GRID2: variants seen among roughly 807,000 people sequenced by gnomAD.
The protein encoded by GRID2 is glutamate ionotropic receptor delta type subunit 2.
GRID2 carries 33 observed loss-of-function variants against 114.8 expected under a neutral mutation model. The ratio of observed to expected loss-of-function variants is 0.29; its 90% confidence interval spans 0.22 to 0.38. GRID2 has a LOEUF of 0.38. Among genes scored for constraint, GRID2 ranks in the 10% least tolerant of loss-of-function variants. The pLI is 1.00. For missense variants in GRID2, 1,184 were observed against 1,257.7 expected (o/e 0.94, Z 0.89); for synonymous variants, 505 against 449.9 (o/e 1.12, Z -1.55).
At chr4:93,503,748 G>A (rs1204553147) in intron 12 of GRID2, among the ~76,000 whole-genome samples, 2 of 151,900 alleles carry the variant, frequency 1.3e-5, no homozygotes, top group Non-Finnish European at 2.9e-5. Flanking sequence ...TTTGAATGAT[G>A]TTATTTTCCA....
chr4:92,768,916 A>G (rs553476021), intron 2 of GRID2, among the ~76,000 whole-genome samples: 22 of 152,148 alleles, frequency 1.4e-4, no homozygotes, highest in Non-Finnish European at 1.5e-4. Flanking sequence ...TACAAACCAT[A>G]TTATTCTGCC....
At chr4:93,614,570 T>G (rs1377114444) in intron 13 of GRID2, among the ~76,000 whole-genome samples, 1 of 152,082 alleles carries the variant, frequency 6.6e-6, no homozygotes, top group African/African-American at 2.4e-5. Flanking sequence ...TTATTCTGTA[T>G]TATTTATTTT....
intron 1 of GRID2, among the ~76,000 whole-genome samples, chr4:92,519,296 A>T (rs1180181330): frequency 6.6e-6 from 1 of 151,860 alleles, no homozygotes; most frequent in African/African-American, 2.4e-5. Context: ...TAAGGGAGGA[A>T]TTCTACCCAT....
At chr4:92,519,928 G>C (rs1724684438) in intron 1 of GRID2, among the ~76,000 whole-genome samples, 1 of 151,848 alleles carries the variant, frequency 6.6e-6, no homozygotes, top group African/African-American at 2.4e-5. Context: ...GGCGGAATTT[G>C]CTTTTCTCAG....
intron 11 of GRID2, among the ~76,000 whole-genome samples, chr4:93,489,442 AT>A (rs1553938459): frequency 2.0e-5 from 3 of 151,876 alleles, no homozygotes; most frequent in Non-Finnish European, 4.4e-5. Flanking sequence ...CTTGGTAGAG[AT>A]TTTTATTTTA....
chr4:92,944,402 T>C (rs1438881302), intron 2 of GRID2, among the ~76,000 whole-genome samples: 6 of 152,230 alleles, frequency 3.9e-5, no homozygotes, highest in Non-Finnish European at 8.8e-5. Context: ...CCTGGTGTCC[T>C]GTTTGCTAAG....
intron 13 of GRID2, among the ~76,000 whole-genome samples, chr4:93,535,269 CA>C (rs1731937804): frequency 1.5e-4 from 22 of 146,554 alleles, no homozygotes; most frequent in Admixed American, 1.2e-3. Context: ...CACACACACA[CA>C]CCACATTTTC....
At chr4:93,523,115 T>C (rs1188810767) in intron 13 of GRID2, among the ~76,000 whole-genome samples, 1 of 151,974 alleles carries the variant, frequency 6.6e-6, no homozygotes, top group African/African-American at 2.4e-5. Context: ...CTAGAAATGG[T>C]TTGAGGGGCA....
chr4:92,689,428 G>C (rs554765650), intron 2 of GRID2, among the ~76,000 whole-genome samples: 1 of 152,102 alleles, frequency 6.6e-6, no homozygotes, highest in South Asian at 2.1e-4. Context: ...TCTAAATCAG[G>C]GGTCCCCAAC....
At chr4:93,047,040 G>T (rs1171920096) in intron 2 of GRID2, among the ~76,000 whole-genome samples, 1 of 151,844 alleles carries the variant, frequency 6.6e-6, no homozygotes, top group Non-Finnish European at 1.5e-5. Context: ...GATGAAAATG[G>T]CACATCTCTT....
chr4:92,718,671 G>A (rs1481114947), intron 2 of GRID2, among the ~76,000 whole-genome samples: 1 of 140,916 alleles, frequency 7.1e-6, no homozygotes, highest in East Asian at 2.3e-4. Context: ...GCTCAGGCAG[G>A]AAGATTGCTT....
intron 1 of GRID2, among the ~76,000 whole-genome samples, chr4:92,402,903 T>G (rs2110284267): frequency 6.6e-6 from 1 of 152,348 alleles, no homozygotes; most frequent in South Asian, 2.1e-4. Context: ...AGGAAGATGT[T>G]TTGTCTGCAT....
intron 14 of GRID2, among the ~76,000 whole-genome samples, chr4:93,668,473 A>C (rs1724131893): frequency 6.6e-6 from 1 of 151,868 alleles, no homozygotes; most frequent in African/African-American, 2.4e-5. Flanking sequence ...TTCAAATGCA[A>C]TTTATTTCAG....
chr4:93,514,461 A>AC (rs1729500763), intron 12 of GRID2, among the ~76,000 whole-genome samples: 1 of 150,010 alleles, frequency 6.7e-6, no homozygotes, highest in African/African-American at 2.5e-5. Context: ...ACACACACAC[A>AC]ATGCTAAAGC....
chr4:92,873,992 G>A (rs1745456251), intron 2 of GRID2, among the ~76,000 whole-genome samples: 1 of 152,250 alleles, frequency 6.6e-6, no homozygotes, highest in South Asian at 2.1e-4. Flanking sequence ...GGGATTACAG[G>A]TGTCAGCCAC....
At chr4:93,298,080 T>C (rs1309147243) in intron 8 of GRID2, among the ~76,000 whole-genome samples, 1 of 152,194 alleles carries the variant, frequency 6.6e-6, no homozygotes, top group Non-Finnish European at 1.5e-5. Context: ...TTAATAATGC[T>C]TTTAGGATAT....
chr4:93,636,605 C>A (rs1035773423), intron 14 of GRID2, among the ~76,000 whole-genome samples: 1 of 152,116 alleles, frequency 6.6e-6, no homozygotes, highest in African/African-American at 2.4e-5. Context: ...ATTCAGTCTA[C>A]TTTTAAAAGG....
chr4:93,728,602 T>G (rs1162718203), intron 14 of GRID2, among the ~76,000 whole-genome samples: 1 of 152,186 alleles, frequency 6.6e-6, no homozygotes, highest in Non-Finnish European at 1.5e-5. Flanking sequence ...AGTCTCCCAT[T>G]ATTATTGTGT....
intron 8 of GRID2, among the ~76,000 whole-genome samples, chr4:93,246,698 A>T (rs1319012826): frequency 6.6e-6 from 1 of 152,100 alleles, no homozygotes; most frequent in Non-Finnish European, 1.5e-5. Flanking sequence ...ATATATAATC[A>T]TTATACATTT....
Sources: allele counts gnomAD v4.1 joint callset (sites outside exome capture counted in the v4.1 genomes callset), GRCh38; gene constraint gnomAD v4.1.1; transcripts MANE v1.5; gene names NCBI Gene and HGNC (gene_info 2026-07-23, HGNC 2026-07-21).